Variants in DSCAML1 observed in about 807,000 individuals in gnomAD.
The protein encoded by DSCAML1 is cell adhesion molecule DSCAML1.
A neutral mutation model predicts 200.5 loss-of-function variants in DSCAML1; 38 were observed. The ratio of observed to expected loss-of-function variants is 0.19; its 90% CI spans 0.15 to 0.25. DSCAML1 has a LOEUF of 0.25. DSCAML1 is among the 10% of genes least tolerant of loss of function. The probability of loss-of-function intolerance (pLI) is 1.00; values close to 1 mark genes in which losing one functional copy is unlikely to be tolerated. For synonymous variants in DSCAML1, 1,215 were observed against 1,165.0 expected, an observed-to-expected ratio of 1.04 and a Z score of -0.87; for missense variants, 2,223 against 2,858.8, an observed-to-expected ratio of 0.78 and a Z score of 5.07.
At chr11:117,661,481 T>A (rs548969137) in intron 3 of DSCAML1, among the ~76,000 whole-genome samples, 3 of 152,316 alleles carry the variant, frequency 2.0e-5, no homozygotes, top group African/African-American at 7.2e-5. Flanking sequence ...TATGGCTCAT[T>A]ACAAACATCA....
intron 16 of DSCAML1, among the ~76,000 whole-genome samples, chr11:117,468,287 T>C: frequency 6.8e-6 from 1 of 147,458 alleles, no homozygotes; most frequent in East Asian, 2.0e-4. Flanking sequence ...TTATTTTTCA[T>C]TAATCTGTTT....
chr11:117,584,805 G>C (rs1293744393), intron 3 of DSCAML1, among the ~76,000 whole-genome samples: 19 of 152,216 alleles, frequency 1.2e-4, no homozygotes, highest in Admixed American at 6.5e-4. Flanking sequence ...TAGTGGCATA[G>C]AGCATGGGCT....
intron 3 of DSCAML1, among the ~76,000 whole-genome samples, chr11:117,560,708 T>C (rs777055326): frequency 2.6e-5 from 4 of 152,146 alleles, no homozygotes; most frequent in Non-Finnish European, 5.9e-5. Context: ...CCCCTGAGAC[T>C]CAGAGTGTCA....
chr11:117,541,493 G>A (rs2050268034), intron 3 of DSCAML1, among the ~76,000 whole-genome samples: 1 of 152,148 alleles, frequency 6.6e-6, no homozygotes, highest in African/African-American at 2.4e-5. Flanking sequence ...TTCCAACCTG[G>A]ACTCCTGTTC....
At chr11:117,728,438 C>T (rs904218250) in intron 3 of DSCAML1, among the ~76,000 whole-genome samples, 1 of 151,924 alleles carries the variant, frequency 6.6e-6, no homozygotes, top group African/African-American at 2.4e-5. Flanking sequence ...CTCACCGGGG[C>T]AATTAGGCAA....
At chr11:117,583,380 G>A (rs60836483) in intron 3 of DSCAML1, among the ~76,000 whole-genome samples, 20 of 152,092 alleles carry the variant, frequency 1.3e-4, no homozygotes, top group African/African-American at 4.8e-4. Flanking sequence ...TAGAACACTA[G>A]CCAATGTCTA....
chr11:117,548,085 C>T (rs2050408070), intron 3 of DSCAML1, among the ~76,000 whole-genome samples: 2 of 152,202 alleles, frequency 1.3e-5, no homozygotes, highest in Admixed American at 6.5e-5. Flanking sequence ...CTGGTACTGT[C>T]CCTAGAGAGT....
At chr11:117,612,574 G>A (rs1428697890) in intron 3 of DSCAML1, among the ~76,000 whole-genome samples, 2 of 152,180 alleles carry the variant, frequency 1.3e-5, no homozygotes, top group South Asian at 2.1e-4. Flanking sequence ...CTGGTTATAC[G>A]GAAGTGCTCA....
chr11:117,451,433 T>A (rs938017849), intron 19 of DSCAML1, among the ~76,000 whole-genome samples: 1 of 152,232 alleles, frequency 6.6e-6, no homozygotes, highest in Non-Finnish European at 1.5e-5. Flanking sequence ...AGTGATAGCA[T>A]CCCATTCAAT....
rs904573282 is a variant in DSCAML1 at position 117,503,263 on chromosome 11, G to A, written c.2359+582C>T. 1.4e-4 allele frequency among the ~76,000 whole-genome samples: 21 copies of A among 152,156 alleles called. No homozygotes were observed. Among genetic ancestry groups the A allele is most frequent in the African/African-American group, 4.8e-4 (20 of 41,422 alleles). ...AAGCATCCTCCTCTTTCCAAGATCA[G>A]TTCCTGCAGGACTCACAACAATTTT... On this transcript the variant is annotated intron_variant, in intron 11 of 32. Coordinates refer to ENST00000651296, the MANE Select transcript of DSCAML1 (RefSeq NM_020693.4). This position sits in a 1 kb window ranked among gnomAD's most constrained non-coding sequence, Gnocchi z 5.2.
intron 3 of DSCAML1, among the ~76,000 whole-genome samples, chr11:117,545,091 G>A (rs998095411): frequency 2.0e-5 from 3 of 152,060 alleles, no homozygotes; most frequent in Non-Finnish European, 2.9e-5. Context: ...CTAGCTGGGC[G>A]TGGTGGCGGG....
chr11:117,616,063 A>C (rs2051805267), intron 3 of DSCAML1, among the ~76,000 whole-genome samples: 1 of 152,214 alleles, frequency 6.6e-6, no homozygotes, highest in South Asian at 2.1e-4. Flanking sequence ...GGTATCAGAC[A>C]CAGTAATCCT....
At chr11:117,788,075 T>C (rs2055393493) in intron 1 of DSCAML1, among the ~76,000 whole-genome samples, 1 of 152,176 alleles carries the variant, frequency 6.6e-6, no homozygotes, top group Non-Finnish European at 1.5e-5. Context: ...ATGTTGCATC[T>C]TGGAAACTGT....
intron 3 of DSCAML1, among the ~76,000 whole-genome samples, chr11:117,587,038 G>A (rs2051157984): frequency 6.6e-6 from 1 of 152,120 alleles, no homozygotes; most frequent in Admixed American, 6.5e-5. Flanking sequence ...GCTCTTCTCT[G>A]GAGTTCTTTA....
chr11:117,796,954 G>T (rs1591520786), intron 1 of DSCAML1, 80 bp downstream of exon 1: 3 of 1,098,314 alleles, frequency 2.7e-6, no homozygotes, highest in Non-Finnish European at 2.3e-6. Flanking sequence ...CCTGGAGCCC[G>T]CCGGGCACCC....
Position 117,437,689 on chromosome 11 carries a change from T to C in DSCAML1, c.4432+206A>G, listed in dbSNP as rs972074184. ...AGGAATGCCACCTTCGGCCACCCGG[T>C]GGGGAAGTGGAACTAGTTTTTCCTA... On this transcript the variant is annotated intron_variant, in intron 25 of 32. Transcript: ENST00000651296. The surrounding 1 kb of genome is among the most constrained non-coding windows in gnomAD (Gnocchi z 5.3). 6.6e-6 allele frequency among the ~76,000 whole-genome samples: 1 copy of C among 152,020 alleles called. No individual in the cohort carries two copies. The highest frequency in any genetic ancestry group is 6.5e-5 in the Admixed American group (1 of 15,280).
At chr11:117,577,609 C>T (rs1283240057) in intron 3 of DSCAML1, among the ~76,000 whole-genome samples, 1 of 149,196 alleles carries the variant, frequency 6.7e-6, no homozygotes, top group Non-Finnish European at 1.5e-5. Context: ...CTCTGTCGCC[C>T]AGGCTGGAGT....
chr11:117,625,221 G>A (rs1317181989), intron 3 of DSCAML1, among the ~76,000 whole-genome samples: 2 of 152,052 alleles, frequency 1.3e-5, no homozygotes, highest in African/African-American at 2.4e-5. Flanking sequence ...CACAACCACC[G>A]AGTAAAGGGA....
At chr11:117,659,492 C>G (rs1677523779) in intron 3 of DSCAML1, among the ~76,000 whole-genome samples, 1 of 152,220 alleles carries the variant, frequency 6.6e-6, no homozygotes, top group Non-Finnish European at 1.5e-5. Flanking sequence ...GACTATCTTT[C>G]AAAACAGCTT....
Sources: allele counts gnomAD v4.1 joint callset (sites outside exome capture counted in the v4.1 genomes callset), GRCh38; gene constraint gnomAD v4.1.1; non-coding constraint Gnocchi (gnomAD v3.1); transcripts MANE v1.5; gene names NCBI Gene and HGNC (gene_info 2026-07-23, HGNC 2026-07-21).